The following PLSCR4 variants were observed in gnomAD, a reference collection of about 807,000 sequenced individuals.
PLSCR4 encodes Ca(2+)-dependent phospholipid scramblase 4.
Under a neutral mutation model 36.3 loss-of-function variants are expected in PLSCR4, and 25 were observed. That is an observed-to-expected ratio of 0.69 (90% CI 0.50 to 0.96). The LOEUF is 0.96. Ranked by LOEUF, PLSCR4 falls within the 40% of genes least tolerant of loss-of-function variation. PLSCR4 has a pLI of 0.00. For synonymous variants in PLSCR4, 122 were observed against 132.9 expected, an observed-to-expected ratio of 0.92 and a Z score of 0.56; for missense variants, 408 against 414.7, an observed-to-expected ratio of 0.98 and a Z score of 0.14.
At chr3:146,243,724 G>A (rs1470349368) in intron 1 of PLSCR4, among the ~76,000 whole-genome samples, 1 of 152,166 alleles carries the variant, frequency 6.6e-6, no homozygotes, top group African/African-American at 2.4e-5. Flanking sequence ...AATCAACAGA[G>A]ACTTCTAAGA....
intron 3 of PLSCR4, among the ~76,000 whole-genome samples, chr3:146,212,057 A>G (rs13082942): frequency 0.047 from 7,195 of 152,176 alleles, 199 homozygotes; most frequent in South Asian, 0.073. Flanking sequence ...TATTTGAGGA[A>G]TAGCCTGTCA....
intron 1 of PLSCR4, among the ~76,000 whole-genome samples, chr3:146,234,866 G>A (rs1366131043): frequency 2.6e-5 from 4 of 152,060 alleles, no homozygotes; most frequent in African/African-American, 9.7e-5. Context: ...CTGGCCAAGG[G>A]TTGTGCACAC....
intron 1 of PLSCR4, among the ~76,000 whole-genome samples, chr3:146,224,795 GGTGC>G (rs915469846): frequency 1.3e-5 from 2 of 151,818 alleles, no homozygotes; most frequent in Non-Finnish European, 2.9e-5. Flanking sequence ...GGTACTGATT[GGTGC>G]ATTTACAATC....
In PLSCR4 at chr3:146,231,022, C is replaced by G. The variant is rs183768645; in HGVS notation, c.-21-8930G>C. ...TTTTTAACCCTTACCCTCCTCCCAC[C>G]TTCTGCCCTCCAGAAGGCATTGGTG... On this transcript the variant is annotated intron_variant, in intron 1 of 8. Coordinates refer to ENST00000354952, the MANE Select transcript of PLSCR4 (RefSeq NM_020353.3). Among the ~76,000 whole-genome samples the G allele has an allele frequency of 7.5e-4, 113 of 149,860 alleles. 3 individuals carry two copies. The highest frequency in any genetic ancestry group is 2.7e-3 in the African/African-American group (105 of 39,310).
At chr3:146,246,381 T>C (rs9875799) in intron 1 of PLSCR4, among the ~76,000 whole-genome samples, 116,305 of 151,816 alleles carry the variant, frequency 0.77, 45,634 homozygotes, top group Non-Finnish European at 0.86. Flanking sequence ...AAAAAGTGTA[T>C]GGTAGAATAT....
intron 1 of PLSCR4, among the ~76,000 whole-genome samples, chr3:146,247,396 T>TA (rs35090091): frequency 9.4e-5 from 14 of 149,456 alleles, no homozygotes; most frequent in South Asian, 6.3e-4. Flanking sequence ...ATCTGATATA[T>TA]AAAAAAAAAA....
intron 1 of PLSCR4, among the ~76,000 whole-genome samples, chr3:146,245,246 C>T (rs1322000246): frequency 6.6e-6 from 1 of 152,024 alleles, no homozygotes; most frequent in Admixed American, 6.6e-5. Flanking sequence ...CCCCAACACA[C>T]ACCCCCTCAG....
At chr3:146,236,030 C>T (rs1198707793) in intron 1 of PLSCR4, among the ~76,000 whole-genome samples, 1 of 151,962 alleles carries the variant, frequency 6.6e-6, no homozygotes, top group Non-Finnish European at 1.5e-5. Flanking sequence ...AAAACTGGAA[C>T]TTATATTTAA....
At chr3:146,223,041 G>C (rs890961173) in intron 1 of PLSCR4, among the ~76,000 whole-genome samples, 1 of 152,070 alleles carries the variant, frequency 6.6e-6, no homozygotes, top group African/African-American at 2.4e-5. Flanking sequence ...CTAGAGAGGA[G>C]GATAGTGGGG....
intron 1 of PLSCR4, among the ~76,000 whole-genome samples, chr3:146,228,293 T>C (rs2035562173): frequency 1.3e-5 from 2 of 152,220 alleles, no homozygotes; most frequent in African/African-American, 4.8e-5. Flanking sequence ...AACAGCAGTA[T>C]TTTTAAAAAT....
At chr3:146,223,233 T>A (rs9809574) in intron 1 of PLSCR4, among the ~76,000 whole-genome samples, 55,302 of 151,816 alleles carry the variant, frequency 0.36, 10,156 homozygotes, top group African/African-American at 0.41. Context: ...TGAAGGTAAA[T>A]TTTTCTGAAT....
intron 3 of PLSCR4, 70 bp from the exon 4 acceptor site, chr3:146,206,831 T>C (rs1454351532): frequency 4.2e-6 from 4 of 946,804 alleles, no homozygotes; most frequent in Non-Finnish European, 6.4e-6. Context: ...TTACATGCGA[T>C]GAAATAGATC....
At chr3:146,207,335 T>G (rs1204798052) in intron 3 of PLSCR4, among the ~76,000 whole-genome samples, 4 of 152,164 alleles carry the variant, frequency 2.6e-5, no homozygotes, top group Non-Finnish European at 5.9e-5. Flanking sequence ...TCTTTTAGAT[T>G]CAATTTCTTA....
chr3:146,220,152 G>C (rs1326060794), intron 3 of PLSCR4, among the ~76,000 whole-genome samples: 2 of 152,086 alleles, frequency 1.3e-5, no homozygotes, highest in African/African-American at 4.8e-5. Flanking sequence ...CCAAAAGTAA[G>C]GGCACTTTTA....
intron 1 of PLSCR4, among the ~76,000 whole-genome samples, chr3:146,242,444 G>T (rs568599555): frequency 1.3e-5 from 2 of 151,970 alleles, no homozygotes; most frequent in Admixed American, 6.6e-5. Flanking sequence ...TGAGATTTTT[G>T]AATCTAAGCT....
At chr3:146,213,334 C>CTTTTTTTTTT (rs60242461) in intron 3 of PLSCR4, among the ~76,000 whole-genome samples, 17 of 125,510 alleles carry the variant, frequency 1.4e-4, no homozygotes, top group Non-Finnish European at 1.8e-4. Context: ...GTAAAATTTC[C>CTTTTTTTTTT]TTTTTTTTTT....
At chr3:146,206,382 T>C (rs2034327538) in intron 4 of PLSCR4, 144 bp downstream of exon 4, 1 of 620,624 alleles carries the variant, frequency 1.6e-6, no homozygotes, top group East Asian at 2.7e-5. Flanking sequence ...CTGAAACTGG[T>C]ATCACTGTTC....
chr3:146,214,626 T>C (rs916828094), intron 3 of PLSCR4, among the ~76,000 whole-genome samples: 1 of 152,114 alleles, frequency 6.6e-6, no homozygotes, highest in Non-Finnish European at 1.5e-5. Context: ...ATACTCTACA[T>C]GATTTTAATT....
intron 1 of PLSCR4, among the ~76,000 whole-genome samples, chr3:146,233,585 GTTTC>G (rs1485155113): frequency 2.0e-5 from 3 of 152,108 alleles, no homozygotes; most frequent in African/African-American, 7.2e-5. Context: ...TAAACTCTCA[GTTTC>G]TTTAAGTTTT....
Sources: gnomAD v4.1 joint callset for allele counts (sites outside exome capture counted in the v4.1 genomes callset) on GRCh38, gnomAD v4.1.1 for gene constraint, MANE v1.5 for transcripts, NCBI Gene and HGNC (gene_info 2026-07-23, HGNC 2026-07-21) for gene names.